CRIM1: variants seen among roughly 807,000 people sequenced by gnomAD.
CRIM1 encodes cysteine rich transmembrane BMP regulator 1, also known as cysteine-rich motor neuron 1 protein.
In CRIM1, 32 loss-of-function variants were observed where a neutral mutation model predicts 116.4. That is an observed-to-expected ratio of 0.27 (90% confidence interval 0.21 to 0.37). The LOEUF (loss-of-function observed/expected upper bound fraction) is 0.37. Ranked by LOEUF, CRIM1 falls within the 10% of genes least tolerant of loss-of-function variation. CRIM1 has a pLI of 1.00. For missense variants in CRIM1, 1,331 were observed against 1,354.8 expected (o/e 0.98, Z 0.28); for synonymous variants, 590 against 509.2 (o/e 1.16, Z -2.13).
In CRIM1 at chr2:36,511,595, G is replaced by A. The variant is rs1002951539; in HGVS notation, c.1659-678G>A. The stretch of plus-strand genomic sequence containing the variant: ...GTGTTCAAATCCAACCGTCATGTTG[G>A]AGAAAAATCTCTTAGGAGATTGTAG... On this transcript the variant is annotated intron_variant, in intron 9 of 16. Transcript: ENST00000280527. Among the ~76,000 whole-genome samples the A allele has an allele frequency of 5.3e-5, 8 of 152,182 alleles. No individual in the cohort carries two copies. The South Asian group carries it at 1.7e-3, about 32-fold the overall frequency.
intron 1 of CRIM1, chr2:36,378,553 G>A (rs2148327849): frequency 2.2e-5 from 8 of 356,650 alleles, no homozygotes; most frequent in South Asian, 1.3e-4. Context: ...TAAACTTAAG[G>A]AAGTTAATTT....
intron 2 of CRIM1, among the ~76,000 whole-genome samples, chr2:36,416,015 C>T (rs1490768949): frequency 6.6e-6 from 1 of 152,154 alleles, no homozygotes; most frequent in Non-Finnish European, 1.5e-5. Flanking sequence ...CAAGACCAGC[C>T]AGGGCAACAT....
intron 5 of CRIM1, among the ~76,000 whole-genome samples, chr2:36,472,794 A>T (rs561605467): frequency 6.6e-6 from 1 of 152,232 alleles, no homozygotes; most frequent in Admixed American, 6.5e-5. Flanking sequence ...AATTTAATGT[A>T]TAAAAGTACT....
intron 13 of CRIM1, among the ~76,000 whole-genome samples, chr2:36,528,572 C>T (rs561425651): frequency 2.6e-4 from 39 of 152,302 alleles, no homozygotes; most frequent in African/African-American, 9.1e-4. Flanking sequence ...GAACAGAGTA[C>T]GTGGCATTTA....
chr2:36,362,389 C>G (rs1355558223), intron 1 of CRIM1, among the ~76,000 whole-genome samples: 1 of 152,066 alleles, frequency 6.6e-6, no homozygotes, highest in Non-Finnish European at 1.5e-5. Context: ...GTGATCCTAC[C>G]CATTCTCCTT....
At chr2:36,362,565 A>C (rs891260025) in intron 1 of CRIM1, among the ~76,000 whole-genome samples, 14 of 152,122 alleles carry the variant, frequency 9.2e-5, no homozygotes, top group Non-Finnish European at 1.3e-4. Context: ...GTAAACTGGG[A>C]GGTGTCCCTT....
At chr2:36,477,836 A>G in intron 6 of CRIM1, among the ~76,000 whole-genome samples, 1 of 152,228 alleles carries the variant, frequency 6.6e-6, no homozygotes, top group East Asian at 1.9e-4. Context: ...GTTGAAGTTC[A>G]GAAGAGAAAA....
At chr2:36,455,706 G>T (rs868668807) in intron 4 of CRIM1, among the ~76,000 whole-genome samples, 18 of 152,182 alleles carry the variant, frequency 1.2e-4, no homozygotes, top group Middle Eastern at 3.2e-3. Context: ...GGGATTCTCA[G>T]TCTCACTGGA....
chr2:36,441,130 T>A, intron 2 of CRIM1, 128 bp from the exon 3 acceptor site: 1 of 1,272,562 alleles, frequency 7.9e-7, no homozygotes, highest in Non-Finnish European at 1.1e-6. Context: ...GTTTGAAGGT[T>A]TACACTGAAT....
At chr2:36,493,123 G>A (rs1241574367) in intron 7 of CRIM1, among the ~76,000 whole-genome samples, 1 of 152,148 alleles carries the variant, frequency 6.6e-6, no homozygotes, top group Non-Finnish European at 1.5e-5. Context: ...ATGTAAGAAT[G>A]TGTGTGTCTT....
At chr2:36,531,439 A>G (rs1005869424) in intron 13 of CRIM1, among the ~76,000 whole-genome samples, 3 of 150,600 alleles carry the variant, frequency 2.0e-5, no homozygotes, top group Admixed American at 6.6e-5. Flanking sequence ...TGTATATCCT[A>G]CATCATGGTC....
intron 1 of CRIM1, among the ~76,000 whole-genome samples, chr2:36,371,539 G>C (rs940430180): frequency 6.6e-5 from 10 of 152,216 alleles, no homozygotes; most frequent in Non-Finnish European, 2.9e-5. Context: ...TCCCCGTTAA[G>C]AGAATCCCAG....
rs149339728 is a variant in CRIM1 at position 36,483,962 on chromosome 2, A to AAG, written c.1372+4271_1372+4272dup. Among the ~76,000 whole-genome samples, 1,341 of 152,316 alleles carry AAG rather than the reference A, an allele frequency of 8.8e-3. 17 individuals carry two copies. The highest frequency in any genetic ancestry group is 0.031 in the African/African-American group (1,290 of 41,572). ...GAAAACACATTTTGAGAACATAAGT[A>AAG]AGAGTGTTATGGAAGTGTGTGACAT... On this transcript the variant is annotated intron_variant, in intron 7 of 16. Coordinates refer to ENST00000280527, the MANE Select transcript of CRIM1 (RefSeq NM_016441.3).
chr2:36,428,916 A>G (rs1674659967), intron 2 of CRIM1, among the ~76,000 whole-genome samples: 1 of 152,218 alleles, frequency 6.6e-6, no homozygotes, highest in Non-Finnish European at 1.5e-5. Context: ...GAATAAAGAC[A>G]CCGTTGAGGG....
chr2:36,439,653 G>A (rs1041591835), intron 2 of CRIM1, among the ~76,000 whole-genome samples: 1 of 151,832 alleles, frequency 6.6e-6, no homozygotes, highest in African/African-American at 2.4e-5. Flanking sequence ...TCCGTGGCTC[G>A]TCCCCTCACT....
chr2:36,547,042 T>C lies in CRIM1; in HGVS notation c.2805T>C (p.Ser935=). The change falls in exon 16 of 17, where the codon TCT becomes TCC. Residue 935 remains serine, a synonymous_variant. Transcript: ENST00000280527. The part of the protein sequence containing the change: ...RDNRLHPSED[S]SLDSIASVVV... ...ACAGGCTGCACCCAAGTGAAGATTCTTCACTGGACTCCATTGCCTCAGTTG... is the reference window on the plus strand; with the variant it reads ...ACAGGCTGCACCCAAGTGAAGATTCCTCACTGGACTCCATTGCCTCAGTTG... 6.2e-7 allele frequency: 1 copy of C among 1,612,958 alleles called. No individual in the cohort carries two copies. The highest frequency in any genetic ancestry group is 8.5e-7 in the Non-Finnish European group (1 of 1,179,036).
At chr2:36,467,910 G>C (rs763560938) in intron 5 of CRIM1, among the ~76,000 whole-genome samples, 29 of 152,238 alleles carry the variant, frequency 1.9e-4, no homozygotes, top group Admixed American at 3.3e-4. Context: ...TCATCCCACT[G>C]AATGATGAAG....
chr2:36,496,275 A>C (rs935603896), intron 7 of CRIM1, among the ~76,000 whole-genome samples: 1 of 152,226 alleles, frequency 6.6e-6, no homozygotes, highest in Non-Finnish European at 1.5e-5. Flanking sequence ...GCTATATTTA[A>C]CATATCACAA....
At chr2:36,456,785 C>T (rs946940801) in intron 4 of CRIM1, among the ~76,000 whole-genome samples, 16 of 152,134 alleles carry the variant, frequency 1.1e-4, no homozygotes, top group Non-Finnish European at 2.9e-5. Context: ...CTCCACCCCC[C>T]CACCACCCAC....
Sources: allele counts gnomAD v4.1 joint callset (sites outside exome capture counted in the v4.1 genomes callset), GRCh38; gene constraint gnomAD v4.1.1; transcripts MANE v1.5; gene names NCBI Gene and HGNC (gene_info 2026-07-23, HGNC 2026-07-21).